The following PLXNA4 variants were observed in gnomAD, a reference collection of about 807,000 sequenced individuals.
PLXNA4 encodes the protein plexin A4, also known as plexin-A4.
PLXNA4 carries 44 observed loss-of-function variants against 191.8 expected under a neutral mutation model. The ratio of observed to expected loss-of-function variants is 0.23; its 90% CI spans 0.18 to 0.29. The LOEUF (loss-of-function observed/expected upper bound fraction) is 0.29. Ranked by LOEUF, PLXNA4 falls within the 10% of genes least tolerant of loss-of-function variation. The pLI is 1.00. For synonymous variants in PLXNA4, 1,082 were observed against 1,009.5 expected, an observed-to-expected ratio of 1.07 and a Z score of -1.36; for missense variants, 1,800 against 2,488.8, an observed-to-expected ratio of 0.72 and a Z score of 5.89.
In PLXNA4 at chr7:132,623,872, G is replaced by A. The variant is rs143359433; in HGVS notation, c.-87+22056C>T. Among the ~76,000 whole-genome samples, 846 of 152,300 alleles carry A rather than the reference G, an allele frequency of 5.6e-3. 11 individuals carry two copies. The highest frequency in any genetic ancestry group is 5.9e-3 in the Non-Finnish European group (400 of 68,034). On this transcript the variant is annotated intron_variant, in intron 2 of 4. Coordinates refer to the PLXNA4 transcript ENST00000378539. ...TAACGTTGGACCATAAAGCCAAGCTGCTTAGTTGCTTTTTGCCTGTTGTAC... is the reference window on the plus strand; with the variant it reads ...TAACGTTGGACCATAAAGCCAAGCTACTTAGTTGCTTTTTGCCTGTTGTAC...
At chr7:132,587,999 C>G (rs944675077) in intron 2 of PLXNA4, among the ~76,000 whole-genome samples, 2 of 151,946 alleles carry the variant, frequency 1.3e-5, no homozygotes, top group Admixed American at 6.6e-5. Context: ...TTTTGTCTCC[C>G]TTTTCTCTAG....
In PLXNA4 at chr7:132,185,417, C is replaced by A. The variant is rs1199027645; in HGVS notation, c.3040G>T (p.Val1014Leu). ...TGCACCGACACCTTCATCTCTAGCA[C>A]CTCATCTGAGGATGTGGTGTTGCAG... is the stretch of plus-strand genomic sequence containing the variant. ...IVCNTTSSDE[V>L]LEMKVSVQVD... Residue 1014 changes from valine to leucine, a missense_variant, in exon 16 of 32, where the codon GTG becomes TTG. By Grantham distance (32) the Val-to-Leu change is conservative (BLOSUM62 1). Transcript: ENST00000321063. 3 of 1,613,970 alleles carry A rather than the reference C, an allele frequency of 1.9e-6. No homozygotes were observed. Among genetic ancestry groups the A allele is most frequent in the Non-Finnish European group, 1.7e-6 (2 of 1,180,008 alleles).
rs112433617 is a variant in PLXNA4 at position 132,306,119 on chromosome 7, G to C, written c.1372-7897C>G. 3.3e-3 allele frequency among the ~76,000 whole-genome samples: 496 copies of C among 152,284 alleles called. 10 individuals carry two copies. The highest frequency in any genetic ancestry group is 0.012 in the African/African-American group (481 of 41,568). ...GGTGGTCAGGACAGAAGGAGGTCAG[G>C]CCTTGCTCACAGGGCCAGAGGTGGA... On this transcript the variant is annotated intron_variant, in intron 3 of 31. Coordinates refer to ENST00000321063, the MANE Select transcript of PLXNA4 (RefSeq NM_020911.2).
chr7:132,393,234 C>A (rs1250498265), intron 3 of PLXNA4, among the ~76,000 whole-genome samples: 1 of 144,716 alleles, frequency 6.9e-6, no homozygotes, highest in African/African-American at 2.6e-5. Flanking sequence ...CCCACCCACC[C>A]AAGAAGACTC....
chr7:132,484,786 T>A, intron 3 of PLXNA4: 1 of 1,613,006 alleles, frequency 6.2e-7, no homozygotes, highest in Non-Finnish European at 8.5e-7. Context: ...TTATTTTTAG[T>A]TAAAGTGGAT....
chr7:132,205,326 T>G (rs1797579980), intron 10 of PLXNA4, among the ~76,000 whole-genome samples: 1 of 152,192 alleles, frequency 6.6e-6, no homozygotes. Context: ...ATCCCAGATC[T>G]GCCGGACTGG....
chr7:132,419,489 G>A (rs1794777888), intron 3 of PLXNA4, among the ~76,000 whole-genome samples: 2 of 152,318 alleles, frequency 1.3e-5, no homozygotes, highest in South Asian at 4.1e-4. Context: ...GCTCATGACT[G>A]AGAATACACA....
At chr7:132,152,625 C>T (rs1795678673) in intron 25 of PLXNA4, among the ~76,000 whole-genome samples, 1 of 152,176 alleles carries the variant, frequency 6.6e-6, no homozygotes, top group Admixed American at 6.5e-5. Flanking sequence ...GAGGTGACCA[C>T]ATTAGGACAG....
intron 2 of PLXNA4, among the ~76,000 whole-genome samples, chr7:132,623,640 G>A (rs1006911786): frequency 6.6e-6 from 1 of 152,156 alleles, no homozygotes; most frequent in African/African-American, 2.4e-5. Flanking sequence ...AAGGAGAGGA[G>A]GACCTAGAGT....
At position 132,209,267 on chromosome 7, in the gene PLXNA4, C is replaced by T. The variant is rs72607775; in HGVS notation, c.2298+1676G>A. On this transcript the variant is annotated intron_variant, in intron 10 of 31. Transcript: ENST00000321063. ...GGCTCTATCCACCCTCCTGACATCC[C>T]CAGATCCTTGGGTCAGCTTCTCTCA... is the stretch of plus-strand genomic sequence containing the variant. Among the ~76,000 whole-genome samples, 61 of 152,344 alleles carry T rather than the reference C, an allele frequency of 4.0e-4. No individual in the cohort carries two copies. In the East Asian group the frequency reaches 0.011, roughly 28 times the overall value.
chr7:132,462,384 A>C (rs897873813), intron 3 of PLXNA4, among the ~76,000 whole-genome samples: 1 of 152,208 alleles, frequency 6.6e-6, no homozygotes, highest in Non-Finnish European at 1.5e-5. Flanking sequence ...GGAAGCTTAA[A>C]GACAAAAAAC....
At chr7:132,327,490 G>C (rs1274778752) in intron 3 of PLXNA4, among the ~76,000 whole-genome samples, 1 of 152,166 alleles carries the variant, frequency 6.6e-6, no homozygotes, top group African/African-American at 2.4e-5. Flanking sequence ...ACCTTCTGAA[G>C]TGGCAGGTTC....
At chr7:132,378,962 T>G (rs1200210404) in intron 3 of PLXNA4, among the ~76,000 whole-genome samples, 1 of 150,576 alleles carries the variant, frequency 6.6e-6, no homozygotes, top group Non-Finnish European at 1.5e-5. Context: ...AGCATTCTCC[T>G]GCCTCAGCCT....
chr7:132,282,367 G>A (rs1473274028), intron 4 of PLXNA4, among the ~76,000 whole-genome samples: 1 of 151,942 alleles, frequency 6.6e-6, no homozygotes, highest in African/African-American at 2.4e-5. Context: ...GAGCTCACGA[G>A]TTTGAGACCA....
chr7:132,202,321 A>G (rs1196245652), intron 12 of PLXNA4, among the ~76,000 whole-genome samples: 1 of 152,122 alleles, frequency 6.6e-6, no homozygotes, highest in Non-Finnish European at 1.5e-5. Context: ...GTGGAACTTC[A>G]GGCCTTGCCA....
At chr7:132,353,417 T>C (rs909450894) in intron 3 of PLXNA4, among the ~76,000 whole-genome samples, 1 of 151,338 alleles carries the variant, frequency 6.6e-6, no homozygotes, top group Non-Finnish European at 1.5e-5. Context: ...TATTACTTAA[T>C]CACAGGTTTG....
At chr7:132,163,674 G>C (rs1796015325) in intron 24 of PLXNA4, among the ~76,000 whole-genome samples, 1 of 152,314 alleles carries the variant, frequency 6.6e-6, no homozygotes, top group South Asian at 2.1e-4. Flanking sequence ...TTGGCCTTGC[G>C]TTATACAGCT....
intron 14 of PLXNA4, among the ~76,000 whole-genome samples, chr7:132,192,640 G>T (rs962982938): frequency 3.3e-5 from 5 of 152,134 alleles, no homozygotes; most frequent in Non-Finnish European, 7.3e-5. Flanking sequence ...TGATGGCCAG[G>T]CATAAAATCC....
At chr7:132,291,507 T>C (rs1800889994) in intron 4 of PLXNA4, among the ~76,000 whole-genome samples, 1 of 152,196 alleles carries the variant, frequency 6.6e-6, no homozygotes, top group South Asian at 2.1e-4. Context: ...GAAGAATGCT[T>C]GGCTCAGAGC....
Sources: gnomAD v4.1 joint callset for allele counts (sites outside exome capture counted in the v4.1 genomes callset) on GRCh38, gnomAD v4.1.1 for gene constraint, MANE v1.5 for transcripts, NCBI Gene and HGNC (gene_info 2026-07-23, HGNC 2026-07-21) for gene names.